The following KCNN3 variants were observed in gnomAD, a reference collection of about 807,000 sequenced individuals.
KCNN3 encodes potassium calcium-activated channel subfamily N member 3.
A neutral mutation model predicts 62.9 loss-of-function variants in KCNN3; 16 were observed. That is an observed-to-expected ratio of 0.25 (90% CI 0.17 to 0.39). KCNN3 has a LOEUF of 0.39. Ranked by LOEUF, KCNN3 falls within the 10% of genes least tolerant of loss-of-function variation. The pLI is 1.00. For synonymous variants in KCNN3, 370 were observed against 389.2 expected (o/e 0.95, Z 0.58); for missense variants, 599 against 949.4 (o/e 0.63, Z 4.85).
At chr1:154,783,171 C>T (rs1649130901) in intron 2 of KCNN3, among the ~76,000 whole-genome samples, 1 of 151,028 alleles carries the variant, frequency 6.6e-6, no homozygotes. Context: ...CGAGATCGCA[C>T]CACTGTACTC....
chr1:154,859,936 A>G, intron 1 of KCNN3: 1 of 1,013,594 alleles, frequency 9.9e-7, no homozygotes, highest in Non-Finnish European at 1.4e-6. Flanking sequence ...ATATTATTTC[A>G]CACATCATTT....
intron 2 of KCNN3, among the ~76,000 whole-genome samples, chr1:154,808,950 C>T (rs1777925): frequency 6.6e-6 from 1 of 152,168 alleles, no homozygotes; most frequent in Non-Finnish European, 1.5e-5. Flanking sequence ...TCCCGCAGAG[C>T]CGCCTCGTGG....
chr1:154,845,761 C>G (rs890183878), intron 1 of KCNN3, among the ~76,000 whole-genome samples: 1 of 152,172 alleles, frequency 6.6e-6, no homozygotes, highest in Non-Finnish European at 1.5e-5. Flanking sequence ...TGTACACATG[C>G]GGAGCCTCCT....
intron 1 of KCNN3, among the ~76,000 whole-genome samples, chr1:154,829,718 C>CT (rs1454307401): frequency 6.6e-6 from 1 of 152,174 alleles, no homozygotes; most frequent in East Asian, 1.9e-4. Flanking sequence ...CCCTCCTCAG[C>CT]CCCCATCCCT....
Position 154,713,490 on chromosome 1 carries a change from C to T in KCNN3, c.1873G>A (p.Ala625Thr). The T allele has an allele frequency of 6.2e-7, 1 of 1,614,064 alleles. No homozygotes were observed. Among genetic ancestry groups the T allele is most frequent in the East Asian group, 2.2e-5 (1 of 44,882 alleles). The change falls in exon 7 of 8, where the codon GCC (alanine) becomes ACC (threonine). Residue 625 changes from alanine (A) to threonine (T), a missense_variant. Transcript: ENST00000271915. ...TTGGAAAGGTCCACCAGAGTGTTGG[C>T]TTGGTCACTCAGCTTCCTCTGTTCC... ...KMEQRKLSDQ[A>T]NTLVDLSKMQ... is the part of the protein sequence containing the mutation.
chr1:154,780,078 C>A (rs962493423), intron 2 of KCNN3, among the ~76,000 whole-genome samples: 1 of 152,200 alleles, frequency 6.6e-6, no homozygotes, highest in Admixed American at 6.5e-5. Context: ...GACAAGGACA[C>A]TACCCAGTGC....
chr1:154,760,479 C>A (rs1019633403), intron 3 of KCNN3, among the ~76,000 whole-genome samples: 13 of 152,118 alleles, frequency 8.5e-5, no homozygotes, highest in Admixed American at 7.8e-4. Context: ...CCTGGAGCCG[C>A]CGGCCCAGCC....
At chr1:154,853,635 G>A (rs547085836) in intron 1 of KCNN3, among the ~76,000 whole-genome samples, 2 of 152,298 alleles carry the variant, frequency 1.3e-5, no homozygotes, top group South Asian at 4.1e-4. Flanking sequence ...ACCTAGCTCT[G>A]AGCATTTATT....
intron 3 of KCNN3, among the ~76,000 whole-genome samples, chr1:154,742,545 G>A (rs1380188746): frequency 1.3e-5 from 2 of 152,110 alleles, no homozygotes; most frequent in Non-Finnish European, 2.9e-5. Context: ...GGGCACATAG[G>A]TGCACTAAAA....
intron 3 of KCNN3, among the ~76,000 whole-genome samples, chr1:154,749,596 A>G (rs1225504766): frequency 6.6e-6 from 1 of 152,198 alleles, no homozygotes; most frequent in Non-Finnish European, 1.5e-5. Context: ...ACAGGGTGCC[A>G]AGGAGGAGCC....
intron 7 of KCNN3, among the ~76,000 whole-genome samples, chr1:154,712,154 G>C (rs1039863668): frequency 6.6e-6 from 1 of 152,204 alleles, no homozygotes; most frequent in African/African-American, 2.4e-5. Context: ...GGTCTAGTTC[G>C]AGTCAGTTCC....
At chr1:154,755,852 G>C (rs1404023018) in intron 3 of KCNN3, among the ~76,000 whole-genome samples, 2 of 141,570 alleles carry the variant, frequency 1.4e-5, no homozygotes, top group African/African-American at 2.6e-5. Flanking sequence ...AAAGAAGGAA[G>C]AAGGAAGAAG....
intron 4 of KCNN3, 137 bp from the exon 5 acceptor site, chr1:154,726,163 C>T (rs974925940): frequency 5.1e-5 from 33 of 645,122 alleles, no homozygotes; most frequent in African/African-American, 1.1e-4. Context: ...TGGCTGGTCA[C>T]GACCAAGCCA....
At chr1:154,720,098 A>C (rs1453500538) in intron 5 of KCNN3, among the ~76,000 whole-genome samples, 1 of 152,182 alleles carries the variant, frequency 6.6e-6, no homozygotes, top group Non-Finnish European at 1.5e-5. Context: ...CTGGGACCCT[A>C]ACCCCATGCT....
intron 4 of KCNN3, among the ~76,000 whole-genome samples, chr1:154,732,254 C>T (rs1700611478): frequency 6.6e-6 from 1 of 152,222 alleles, no homozygotes; most frequent in Admixed American, 6.5e-5. Context: ...ATAAGCCACA[C>T]TGTGATGGCC....
chr1:154,834,306 C>T (rs988523856), intron 1 of KCNN3, among the ~76,000 whole-genome samples: 22 of 152,210 alleles, frequency 1.4e-4, no homozygotes, highest in African/African-American at 5.3e-4. Flanking sequence ...AGCCACACAC[C>T]AACGTGGGCC....
chr1:154,769,722 G>C (rs909632988), intron 3 of KCNN3, among the ~76,000 whole-genome samples: 1 of 152,142 alleles, frequency 6.6e-6, no homozygotes, highest in African/African-American at 2.4e-5. Flanking sequence ...AAAGGGCTAC[G>C]CAAATTCAAT....
chr1:154,817,598 G>T (rs913631143), intron 2 of KCNN3, among the ~76,000 whole-genome samples: 1 of 152,230 alleles, frequency 6.6e-6, no homozygotes, highest in African/African-American at 2.4e-5. Flanking sequence ...CATGATTTGC[G>T]CCAAGCTGGG....
At chr1:154,818,018 A>T (rs920486910) in intron 2 of KCNN3, among the ~76,000 whole-genome samples, 1 of 152,184 alleles carries the variant, frequency 6.6e-6, no homozygotes, top group Non-Finnish European at 1.5e-5. Flanking sequence ...GCTGTTGGTG[A>T]GAGCTAAACC....
Sources: allele counts gnomAD v4.1 joint callset (sites outside exome capture counted in the v4.1 genomes callset), GRCh38; gene constraint gnomAD v4.1.1; transcripts MANE v1.5; gene names NCBI Gene and HGNC (gene_info 2026-07-23, HGNC 2026-07-21).